DAB1: variants seen among roughly 807,000 people sequenced by gnomAD.
DAB1 encodes DAB adaptor protein 1.
A neutral mutation model predicts 64.6 loss-of-function variants in DAB1; 15 were observed. The ratio of observed to expected loss-of-function variants is 0.23; its 90% CI spans 0.16 to 0.36. The LOEUF is 0.36. Among genes scored for constraint, DAB1 ranks in the 10% least tolerant of loss-of-function variants. The probability of loss-of-function intolerance (pLI) is 1.00; values close to 1 mark genes in which losing one functional copy is unlikely to be tolerated. For missense variants in DAB1, 596 were observed against 706.7 expected (o/e 0.84, Z 1.78); for synonymous variants, 235 against 251.9 (o/e 0.93, Z 0.64).
chr1:57,826,406 T>A (rs1652352950), exon 2 of DAB1: 1 of 151,918 alleles, frequency 6.6e-6, no homozygotes, highest in Admixed American at 6.6e-5. Flanking sequence ...TCATCCAAGC[T>A]GAGAACATTA....
At chr1:57,835,160 A>G (rs1006924322) in intron 1 of DAB1, among the ~76,000 whole-genome samples, 1 of 152,170 alleles carries the variant, frequency 6.6e-6, no homozygotes, top group Non-Finnish European at 1.5e-5. Context: ...TGTCAACATG[A>G]TTTCAGATTC....
intron 3 of DAB1, among the ~76,000 whole-genome samples, chr1:58,377,389 G>A (rs1175941938): frequency 9.2e-5 from 13 of 140,682 alleles, no homozygotes; most frequent in Non-Finnish European, 1.4e-4. Flanking sequence ...TGACAAAATC[G>A]GTCAGCATTT....
chr1:57,532,294 C>A (rs549391943), intron 7 of DAB1, among the ~76,000 whole-genome samples: 2 of 149,104 alleles, frequency 1.3e-5, no homozygotes, highest in Admixed American at 6.8e-5. Flanking sequence ...TACAACACAA[C>A]TTCTTTAATG....
chr1:58,484,581 A>C (rs563364561), intron 3 of DAB1, among the ~76,000 whole-genome samples: 7 of 152,350 alleles, frequency 4.6e-5, no homozygotes, highest in African/African-American at 1.7e-4. Flanking sequence ...TGAGTCTCAG[A>C]GAAGTTAAAT....
At chr1:57,039,097 A>G (rs959315433) in intron 9 of DAB1, among the ~76,000 whole-genome samples, 10 of 152,238 alleles carry the variant, frequency 6.6e-5, no homozygotes, top group African/African-American at 2.4e-4. Context: ...AGGCAGAGTG[A>G]GGGAATGAAA....
intron 1 of DAB1, among the ~76,000 whole-genome samples, chr1:57,875,359 C>T (rs1026196092): frequency 6.6e-6 from 1 of 152,130 alleles, no homozygotes; most frequent in Non-Finnish European, 1.5e-5. Flanking sequence ...CTCTTTTCAG[C>T]TCTTTTTCAG....
chr1:57,330,357 C>T (rs1003354185), intron 1 of DAB1, among the ~76,000 whole-genome samples: 2 of 152,178 alleles, frequency 1.3e-5, no homozygotes, highest in African/African-American at 4.8e-5. Flanking sequence ...AGATGTGTGT[C>T]GTACCCAGGC....
At chr1:57,370,540 C>G (rs536631669) in intron 1 of DAB1, among the ~76,000 whole-genome samples, 33 of 151,166 alleles carry the variant, frequency 2.2e-4, no homozygotes, top group African/African-American at 7.5e-4. Context: ...AATCTGATAT[C>G]TACTTTTATT....
chr1:58,024,754 T>C lies in DAB1; in HGVS notation n.387+125757A>G, dbSNP rs111467593. On this transcript the variant is annotated intron_variant and non_coding_transcript_variant, in intron 5 of 20. Transcript: ENST00000485760. Reference sequence around the variant, plus strand: ...ACATTTGAATTGGTAGACAGTAAAGTAAATTGCCTTTTCTAATGTGTGTGG... The same window carrying C: ...ACATTTGAATTGGTAGACAGTAAAGCAAATTGCCTTTTCTAATGTGTGTGG... Among the ~76,000 whole-genome samples the C allele has an allele frequency of 5.8e-3, 880 of 152,298 alleles. 12 individuals are homozygous for C. Among genetic ancestry groups the C allele is most frequent in the African/African-American group, 0.02 (813 of 41,574 alleles).
intron 6 of DAB1, among the ~76,000 whole-genome samples, chr1:57,679,479 A>G (rs1008719231): frequency 3.9e-5 from 6 of 152,238 alleles, no homozygotes; most frequent in Non-Finnish European, 8.8e-5. Context: ...CTCTGAGAGC[A>G]TCGTTCACAG....
intron 1 of DAB1, among the ~76,000 whole-genome samples, chr1:57,341,435 A>G (rs1488676446): frequency 6.6e-6 from 1 of 152,210 alleles, no homozygotes; most frequent in East Asian, 1.9e-4. Context: ...CTATGCCTAT[A>G]AACACCTGTC....
Position 57,775,547 on chromosome 1 carries a change from T to A in DAB1, n.551+108452A>T, listed in dbSNP as rs201787538. 6.0e-5 allele frequency among the ~76,000 whole-genome samples: 9 copies of A among 150,970 alleles called. No individual in the cohort carries two copies. In the East Asian group the frequency reaches 1.8e-3, roughly 31 times the overall value. On this transcript the variant is annotated intron_variant and non_coding_transcript_variant, in intron 6 of 20. Transcript: ENST00000485760. ...CATGTTTTAGTTGGTATTTTCTAGA[T>A]ATTGAAAAAAAAATTGATTTTTAAT...
At chr1:57,881,556 C>T (rs1332521269) in intron 1 of DAB1, among the ~76,000 whole-genome samples, 1 of 152,104 alleles carries the variant, frequency 6.6e-6, no homozygotes, top group Non-Finnish European at 1.5e-5. Flanking sequence ...TATGACAGTA[C>T]CTATTATAAA....
rs569058107 is a variant in DAB1 at position 57,499,585 on chromosome 1, C to T, written n.625+150007G>A. Among the ~76,000 whole-genome samples, 17 of 152,108 alleles carry T rather than the reference C, an allele frequency of 1.1e-4. No homozygotes were observed. In the South Asian group the frequency reaches 1.7e-3, roughly 15 times the overall value. On this transcript the variant is annotated intron_variant and non_coding_transcript_variant, in intron 7 of 20. Transcript: ENST00000485760. ...TGGAAAAGATTGGTTGAGTTTGTCCCGGACTGGTGTTTTTCTAGATGCATG... is the reference window on the plus strand; with the variant it reads ...TGGAAAAGATTGGTTGAGTTTGTCCTGGACTGGTGTTTTTCTAGATGCATG...
chr1:58,262,388 C>T (rs1192979209), intron 4 of DAB1, among the ~76,000 whole-genome samples: 1 of 152,114 alleles, frequency 6.6e-6, no homozygotes, highest in African/African-American at 2.4e-5. Context: ...AGATCGAGAC[C>T]ATCCTGGACA....
At chr1:57,553,504 G>GAAA (rs1558487445) in intron 7 of DAB1, among the ~76,000 whole-genome samples, 1 of 141,478 alleles carries the variant, frequency 7.1e-6, no homozygotes, top group Non-Finnish European at 1.5e-5. Flanking sequence ...AAGGAAGGAA[G>GAAA]GAAGAGAGAG....
intron 3 of DAB1, chr1:58,474,106 G>A: frequency 2.4e-6 from 1 of 415,060 alleles, no homozygotes; most frequent in Non-Finnish European, 4.7e-6. Flanking sequence ...TTCCTGTGGA[G>A]TGTGGATGAA....
chr1:57,226,672 A>AATATATATATATATATATAT (rs61660460), intron 2 of DAB1, among the ~76,000 whole-genome samples: 8 of 136,014 alleles, frequency 5.9e-5, no homozygotes, highest in African/African-American at 2.5e-4. Context: ...TTAAAAAAAA[A>AATATATATATATATATATAT]ATATATATAT....
chr1:57,721,648 A>G (rs1033565747), intron 6 of DAB1, among the ~76,000 whole-genome samples: 2 of 152,156 alleles, frequency 1.3e-5, no homozygotes, highest in Admixed American at 6.5e-5. Context: ...CTTAGCCACT[A>G]TGTTGAGCTG....
Sources: gnomAD v4.1 joint callset for allele counts (sites outside exome capture counted in the v4.1 genomes callset) on GRCh38, gnomAD v4.1.1 for gene constraint, MANE v1.5 for transcripts, NCBI Gene and HGNC (gene_info 2026-07-23, HGNC 2026-07-21) for gene names.